Variants in DISC1 observed in about 807,000 individuals in gnomAD.
DISC1 encodes the protein disrupted in schizophrenia 1 protein.
DISC1 carries 57 observed loss-of-function variants against 84.5 expected under a neutral mutation model. The observed-to-expected ratio is 0.67, with a 90% CI of 0.55 to 0.84. The LOEUF (loss-of-function observed/expected upper bound fraction) is 0.84. DISC1 is among the 40% of genes least tolerant of loss of function. DISC1 has a pLI of 0.00. For missense variants in DISC1, 1,000 were observed against 1,057.8 expected (o/e 0.95, Z 0.76); for synonymous variants, 411 against 415.2 (o/e 0.99, Z 0.12).
chr1:231,827,219 C>A (rs922492769), intron 9 of DISC1, among the ~76,000 whole-genome samples: 1 of 152,100 alleles, frequency 6.6e-6, no homozygotes, highest in Admixed American at 6.5e-5. Flanking sequence ...AACTCCTGAC[C>A]TCATGATCCA....
Position 232,020,980 on chromosome 1 carries a change from C to T in DISC1, c.2308-5455C>T, listed in dbSNP as rs1668902409. ...GAAAAACTAGAAGTAGTGAAATACA[C>T]CTGATGCTTCCTGCAGAGACTATGC... On this transcript the variant is annotated intron_variant, in intron 11 of 12. Coordinates refer to ENST00000439617, the MANE Select transcript of DISC1 (RefSeq NM_018662.3). Among the ~76,000 whole-genome samples, 4 of 152,276 alleles carry T rather than the reference C, an allele frequency of 2.6e-5. No individual in the cohort carries two copies. The South Asian group carries it at 8.3e-4, about 32-fold the overall frequency.
At chr1:231,858,754 T>C (rs566984437) in intron 9 of DISC1, among the ~76,000 whole-genome samples, 1 of 152,324 alleles carries the variant, frequency 6.6e-6, no homozygotes, top group East Asian at 1.9e-4. Flanking sequence ...TGTAGAAGTT[T>C]CCATACCTTC....
chr1:232,010,575 G>A (rs1667933346), intron 11 of DISC1, among the ~76,000 whole-genome samples: 1 of 152,126 alleles, frequency 6.6e-6, no homozygotes. Context: ...CCCATCTAAA[G>A]GTTCTCAGCT....
intron 9 of DISC1, among the ~76,000 whole-genome samples, chr1:231,891,506 T>C (rs928729548): frequency 4.6e-5 from 7 of 152,128 alleles, no homozygotes; most frequent in South Asian, 2.1e-4. Context: ...AGAGACTTTA[T>C]TGTGGTTTCT....
intron 9 of DISC1, among the ~76,000 whole-genome samples, chr1:231,850,806 T>C (rs745388611): frequency 2.0e-5 from 3 of 152,260 alleles, no homozygotes; most frequent in Non-Finnish European, 4.4e-5. Context: ...TATTTTTAAT[T>C]GCCCTGATAT....
intron 1 of DISC1, among the ~76,000 whole-genome samples, chr1:231,676,301 A>G (rs920900934): frequency 7.9e-5 from 12 of 152,380 alleles, no homozygotes; most frequent in Admixed American, 7.8e-4. Context: ...GTCAAAGGAA[A>G]GAGCCCTGTG....
At chr1:232,004,623 A>G (rs1667106513) in intron 10 of DISC1, among the ~76,000 whole-genome samples, 2 of 152,214 alleles carry the variant, frequency 1.3e-5, no homozygotes. Context: ...AAAGAAGCAA[A>G]TAGGCAATGA....
At chr1:231,660,461 C>CA (rs201735045) in intron 1 of DISC1, among the ~76,000 whole-genome samples, 12 of 150,268 alleles carry the variant, frequency 8.0e-5, no homozygotes, top group Non-Finnish European at 1.3e-4. Flanking sequence ...GCATTTAGCC[C>CA]AAAAAAAAAA....
chr1:231,702,035 A>G lies in DISC1; in HGVS notation c.1117+11A>G. ...ATGATTATGATAAAGGTGAGTTTTA[A>G]TTTGTTTATTGATTGTTTTGTCATC... On this transcript the variant is annotated intron_variant, in intron 3 of 12. Coordinates refer to ENST00000439617, the MANE Select transcript of DISC1 (RefSeq NM_018662.3). The G allele has an allele frequency of 1.2e-6, 2 of 1,600,310 alleles. No individual in the cohort carries two copies. Among genetic ancestry groups the G allele is most frequent in the South Asian group, 1.1e-5 (1 of 87,028 alleles).
intron 8 of DISC1, among the ~76,000 whole-genome samples, chr1:231,817,403 A>G (rs1226027999): frequency 1.3e-5 from 2 of 152,220 alleles, no homozygotes; most frequent in African/African-American, 4.8e-5. Flanking sequence ...ACGTTTTAGA[A>G]TAAGCACATA....
chr1:231,908,776 G>A lies in DISC1; in HGVS notation c.1982-50052G>A, dbSNP rs371284050. On this transcript the variant is annotated intron_variant, in intron 9 of 12. Coordinates refer to ENST00000439617, the MANE Select transcript of DISC1 (RefSeq NM_018662.3). ...TACCTTGGGCAGTATGGCCATTTTCGCGATATTGATTCTTCCTATCCATGA... is the reference window on the plus strand; with the variant it reads ...TACCTTGGGCAGTATGGCCATTTTCACGATATTGATTCTTCCTATCCATGA... 2.0e-4 allele frequency among the ~76,000 whole-genome samples: 30 copies of A among 152,160 alleles called. No individual in the cohort carries two copies. The East Asian group carries it at 3.3e-3, about 17-fold the overall frequency.
chr1:231,880,758 G>C (rs144410912), intron 9 of DISC1, among the ~76,000 whole-genome samples: 303 of 2,102 alleles, frequency 0.14, 2 homozygotes, highest in Admixed American at 0.18. Flanking sequence ...AGGCAAGGTG[G>C]GGGGGGGGTG....
chr1:231,990,969 G>A (rs141682856), intron 10 of DISC1, among the ~76,000 whole-genome samples: 113 of 152,338 alleles, frequency 7.4e-4, no homozygotes, highest in African/African-American at 2.5e-3. Context: ...CACCAGTCCT[G>A]CCTGTATGTC....
intron 10 of DISC1, among the ~76,000 whole-genome samples, chr1:231,973,025 T>C (rs1319814870): frequency 1.3e-5 from 2 of 151,898 alleles, no homozygotes; most frequent in African/African-American, 4.8e-5. Context: ...AAGACTAGTA[T>C]ACTAGTATGC....
In DISC1 at chr1:231,657,153, G is replaced by C. The variant is rs558227571; in HGVS notation, c.67+30219G>C. Among the ~76,000 whole-genome samples, 18 of 152,306 alleles carry C rather than the reference G, an allele frequency of 1.2e-4. No individual in the cohort carries two copies. In the South Asian group the frequency reaches 1.4e-3, roughly 12 times the overall value. On this transcript the variant is annotated intron_variant, in intron 1 of 12. Transcript: ENST00000439617. ...TTATATTTTTTGGGGTGTATACCCCGTAATGGGATTGATGAGTCAAATGGT... is the reference window on the plus strand; with the variant it reads ...TTATATTTTTTGGGGTGTATACCCCCTAATGGGATTGATGAGTCAAATGGT...
chr1:231,819,116 T>TAC, intron 9 of DISC1: 1 of 986,352 alleles, frequency 1.0e-6, no homozygotes, highest in Non-Finnish European at 1.2e-6. Context: ...AGAGGGATGG[T>TAC]CTCAGAAGAC....
chr1:231,709,861 G>A (rs1186975407), intron 3 of DISC1, among the ~76,000 whole-genome samples: 1 of 152,204 alleles, frequency 6.6e-6, no homozygotes, highest in Non-Finnish European at 1.5e-5. Flanking sequence ...GTAGAGTCCG[G>A]TTGATGAAGC....
At chr1:231,793,229 G>T (rs1439043973) in intron 6 of DISC1, among the ~76,000 whole-genome samples, 2 of 152,082 alleles carry the variant, frequency 1.3e-5, no homozygotes, top group African/African-American at 4.8e-5. Context: ...CTGACACCCT[G>T]CACACTTTCC....
Position 231,795,302 on chromosome 1 carries a change from T to C in DISC1, c.1689+6T>C, listed in dbSNP as rs2273890. 207,383 of 1,609,354 alleles carry C rather than the reference T, an allele frequency of 0.13. 13,975 individuals are homozygous for C. Among genetic ancestry groups the C allele is most frequent in the Non-Finnish European group, 0.14 (163,029 of 1,176,022 alleles). Reference sequence around the variant, plus strand: ...TTAAAGAAATCACTACTAAGGTAAGTACCTTTATATTCCCATTTTCCAAAG... The same window carrying C: ...TTAAAGAAATCACTACTAAGGTAAGCACCTTTATATTCCCATTTTCCAAAG... On this transcript the variant is annotated splice_donor_region_variant and intron_variant, in intron 7 of 12. Coordinates refer to ENST00000439617, the MANE Select transcript of DISC1 (RefSeq NM_018662.3).
Sources: allele counts gnomAD v4.1 joint callset (sites outside exome capture counted in the v4.1 genomes callset), GRCh38; gene constraint gnomAD v4.1.1; transcripts MANE v1.5; gene names NCBI Gene and HGNC (gene_info 2026-07-23, HGNC 2026-07-21).